Variants in RUSC2 observed in about 807,000 individuals in gnomAD.
The protein encoded by RUSC2 is RUN and SH3 domain containing 2.
Under a neutral mutation model 122.2 loss-of-function variants are expected in RUSC2, and 34 were observed. The observed-to-expected ratio is 0.28, with a 90% CI of 0.21 to 0.37. RUSC2 has a LOEUF of 0.37. RUSC2 is among the 10% of genes least tolerant of loss of function. The pLI, the probability that RUSC2 is intolerant of heterozygous loss-of-function variation, is 1.00. For synonymous variants in RUSC2, 784 were observed against 790.0 expected (o/e 0.99, Z 0.13); for missense variants, 1,747 against 1,952.4 (o/e 0.89, Z 1.98).
intron 1 of RUSC2, among the ~76,000 whole-genome samples, chr9:35,520,218 T>C (rs900257950): frequency 6.6e-6 from 1 of 152,148 alleles, no homozygotes; most frequent in Non-Finnish European, 1.5e-5. Flanking sequence ...GAAGATGAGA[T>C]GCCTCCCAGA....
chr9:35,494,510 T>C (rs1169010108), intron 1 of RUSC2, among the ~76,000 whole-genome samples: 1 of 152,110 alleles, frequency 6.6e-6, no homozygotes, highest in Non-Finnish European at 1.5e-5. Context: ...TGAAGTGATA[T>C]CTCATGATTT....
At chr9:35,528,571 A>G (rs1421115621) in intron 1 of RUSC2, among the ~76,000 whole-genome samples, 2 of 150,140 alleles carry the variant, frequency 1.3e-5, no homozygotes, top group East Asian at 3.9e-4. Flanking sequence ...CAGTGACGCT[A>G]TCATAGCTCA....
chr9:35,556,521 C>T (rs1037908889), intron 5 of RUSC2, 73 bp downstream of exon 5: 22 of 1,557,522 alleles, frequency 1.4e-5, no homozygotes, highest in Non-Finnish European at 1.8e-5. Flanking sequence ...ACTACCTAGC[C>T]AGTCTGAAAC....
At position 35,555,488 on chromosome 9, in the gene RUSC2, C is replaced by G. The variant is rs1056288108; in HGVS notation, c.2443C>G (p.Pro815Ala). 6.2e-7 allele frequency: 1 copy of G among 1,614,066 alleles called. No homozygotes were observed. The highest frequency in any genetic ancestry group is 8.5e-7 in the Non-Finnish European group (1 of 1,180,010). ...PEQPTATESL[P>A]PWSHSCPSAV... Reference sequence around the variant, plus strand: ...GCAGCCCACAGCCACAGAAAGCCTGCCCCCATGGAGCCACTCCTGTCCTTC... The same window carrying G: ...GCAGCCCACAGCCACAGAAAGCCTGGCCCCATGGAGCCACTCCTGTCCTTC... Residue 815 changes from proline to alanine, a missense_variant, in exon 3 of 12, where the codon CCC becomes GCC. Transcript: ENST00000361226. The surrounding 1 kb of genome is among the most constrained non-coding windows in gnomAD (Gnocchi z 4.6).
chr9:35,538,998 CCT>C (rs1246743060), intron 1 of RUSC2: 1 of 152,272 alleles, frequency 6.6e-6, no homozygotes, highest in Non-Finnish European at 1.5e-5. Flanking sequence ...GCCCAGTTCC[CCT>C]GTGTGATCCC....
chr9:35,559,011 C>T (rs952030384), intron 8 of RUSC2, among the ~76,000 whole-genome samples: 1 of 152,226 alleles, frequency 6.6e-6, no homozygotes, highest in African/African-American at 2.4e-5. Flanking sequence ...AGGTCTACTG[C>T]AGGCTGACTC....
intron 1 of RUSC2, among the ~76,000 whole-genome samples, chr9:35,532,601 C>G (rs1821441679): frequency 6.6e-6 from 1 of 151,994 alleles, no homozygotes; most frequent in Admixed American, 6.6e-5. Flanking sequence ...AAAAATATAG[C>G]TGGGTGTGGT....
intron 1 of RUSC2, among the ~76,000 whole-genome samples, chr9:35,499,007 C>A (rs1820771850): frequency 6.6e-6 from 1 of 152,106 alleles, no homozygotes; most frequent in African/African-American, 2.4e-5. Context: ...AGTAGTGAGG[C>A]CAGGCGTGGC....
At chr9:35,528,230 T>G (rs908935079) in intron 1 of RUSC2, among the ~76,000 whole-genome samples, 7 of 151,828 alleles carry the variant, frequency 4.6e-5, no homozygotes, top group Non-Finnish European at 1.0e-4. Flanking sequence ...TACAAAAAAT[T>G]TAAACATTAG....
intron 1 of RUSC2, among the ~76,000 whole-genome samples, chr9:35,502,646 A>G (rs1820836991): frequency 6.6e-6 from 1 of 152,220 alleles, no homozygotes; most frequent in Non-Finnish European, 1.5e-5. Context: ...TAGAGAATCT[A>G]CAAAAGACAA....
Position 35,561,248 on chromosome 9 carries a change from A to G in RUSC2, c.4417A>G (p.Ile1473Val). The change falls in exon 12 of 12, where the codon ATC becomes GTC. Residue 1473 changes from isoleucine (I) to valine (V), a missense_variant. Transcript: ENST00000361226. ...ACAGCTGAGCTTCCACAAAGGAGAC[A>G]TCCTACGAGTGCTGGGGCGAGCTGG... is the stretch of plus-strand genomic sequence containing the variant. The part of the protein sequence containing the change: ...PGQLSFHKGD[I>V]LRVLGRAGGD... The G allele has an allele frequency of 6.2e-7, 1 of 1,614,180 alleles. No homozygotes were observed. The highest frequency in any genetic ancestry group is 1.6e-4 in the Middle Eastern group (1 of 6,062).
intron 1 of RUSC2, among the ~76,000 whole-genome samples, chr9:35,524,767 C>G (rs957418376): frequency 1.3e-5 from 2 of 151,964 alleles, no homozygotes; most frequent in Non-Finnish European, 2.9e-5. Flanking sequence ...GTCAGGAGAT[C>G]GAGACCATCC....
intron 2 of RUSC2, among the ~76,000 whole-genome samples, chr9:35,553,723 C>G (rs1449218338): frequency 6.6e-6 from 1 of 152,116 alleles, no homozygotes; most frequent in Non-Finnish European, 1.5e-5. Context: ...CACAGTGGGC[C>G]AGGGAGAATG....
chr9:35,556,299 T>C lies in RUSC2; in HGVS notation c.2843-9T>C. On this transcript the variant is annotated splice_polypyrimidine_tract_variant and intron_variant, in intron 4 of 11. Transcript: ENST00000361226. ...AGTTGCTCAGGATTGATTTTTCTCT[T>C]CTTTCCAGGCCAAGCAGTGAAGCCG... 3 of 1,613,500 alleles carry C rather than the reference T, an allele frequency of 1.9e-6. No homozygotes were observed. Among genetic ancestry groups the C allele is most frequent in the East Asian group, 2.2e-5 (1 of 44,878 alleles).
intron 1 of RUSC2, among the ~76,000 whole-genome samples, chr9:35,495,013 GTA>G (rs1294279811): frequency 2.5e-5 from 1 of 40,002 alleles, no homozygotes; most frequent in Non-Finnish European, 5.1e-5. Context: ...ATATACTACA[GTA>G]TATATTTTAT....
At chr9:35,535,940 T>A (rs1821518920) in intron 1 of RUSC2, among the ~76,000 whole-genome samples, 1 of 152,140 alleles carries the variant, frequency 6.6e-6, no homozygotes, top group South Asian at 2.1e-4. Flanking sequence ...TTATGGGAAA[T>A]ACAAAATTAA....
chr9:35,555,406 C>A lies in RUSC2; in HGVS notation c.2361C>A (p.Gly787=), dbSNP rs2131695425. The part of the protein sequence containing the change: ...LGSYSPIRSV[G]PFGPSTDSSA... ...GCTACTCCCCCATCCGGAGTGTTGG[C>A]CCCTTTGGGCCCAGCACTGACTCTT... The change falls in exon 3 of 12, where the codon GGC becomes GGA. Residue 787 remains glycine, a synonymous_variant. Transcript: ENST00000361226. The surrounding 1 kb of genome is among the most constrained non-coding windows in gnomAD (Gnocchi z 4.6). 1 of 1,614,250 alleles carries A rather than the reference C, an allele frequency of 6.2e-7. No individual in the cohort carries two copies. Among genetic ancestry groups the A allele is most frequent in the South Asian group, 1.1e-5 (1 of 91,090 alleles).
At position 35,555,706 on chromosome 9, in the gene RUSC2, G is replaced by A. The variant is rs758772615; in HGVS notation, c.2656+5G>A. The A allele has an allele frequency of 2.5e-5, 40 of 1,578,668 alleles. No homozygotes were observed. The highest frequency in any genetic ancestry group is 3.2e-5 in the Non-Finnish European group (37 of 1,174,378). Reference sequence around the variant, plus strand: ...TGGCCACCAGGCCCAGTAATGGTACGAGCTCCAGCATCTCCCTACCCAACC... The same window carrying A: ...TGGCCACCAGGCCCAGTAATGGTACAAGCTCCAGCATCTCCCTACCCAACC... On this transcript the variant is annotated splice_donor_5th_base_variant and intron_variant, in intron 3 of 11. Transcript: ENST00000361226. The surrounding 1 kb of genome is among the most constrained non-coding windows in gnomAD (Gnocchi z 4.6).
chr9:35,532,024 T>C (rs1332950118), intron 1 of RUSC2, among the ~76,000 whole-genome samples: 1 of 152,152 alleles, frequency 6.6e-6, no homozygotes, highest in Non-Finnish European at 1.5e-5. Flanking sequence ...AGACTCTGTC[T>C]AAAAACAAAA....
Sources: gnomAD v4.1 joint callset for allele counts (sites outside exome capture counted in the v4.1 genomes callset) on GRCh38, gnomAD v4.1.1 for gene constraint, Gnocchi (gnomAD v3.1) non-coding constraint, MANE v1.5 for transcripts, NCBI Gene and HGNC (gene_info 2026-07-23, HGNC 2026-07-21) for gene names.